The following GOT1L1 variants were observed in gnomAD, a reference collection of about 807,000 sequenced individuals.
The protein encoded by GOT1L1 is glutamic-oxaloacetic transaminase 1 like 1.
Under a neutral mutation model 43.6 loss-of-function variants are expected in GOT1L1, and 38 were observed. The ratio of observed to expected loss-of-function variants is 0.87; its 90% confidence interval spans 0.67 to 1.14. The LOEUF is 1.14. Among genes scored for constraint, GOT1L1 ranks in the 50% most tolerant of loss-of-function variants. The probability of loss-of-function intolerance (pLI) is 0.00; values close to 1 mark genes in which losing one functional copy is unlikely to be tolerated. For synonymous variants in GOT1L1, 183 were observed against 187.2 expected (o/e 0.98, Z 0.18); for missense variants, 482 against 504.0 (o/e 0.96, Z 0.42).
At chr8:37,938,938 AG>A (rs779067311) in intron 1 of GOT1L1, 57 bp from the exon 2 acceptor site, 214 of 1,528,626 alleles carry the variant, frequency 1.4e-4, no homozygotes, top group Non-Finnish European at 1.9e-4. Flanking sequence ...CCCAGGGCTG[AG>A]CTCTGCAGAC....
At chr8:37,936,646 T>C (rs867410217) in intron 6 of GOT1L1, 74 bp downstream of exon 6, 2 of 1,359,876 alleles carry the variant, frequency 1.5e-6, no homozygotes, top group South Asian at 2.7e-5. Flanking sequence ...GGATGAGATA[T>C]CAAAAACATC....
In GOT1L1 at chr8:37,940,093, A is replaced by G; in HGVS notation, c.-64T>C. The G allele has an allele frequency of 6.5e-7, 1 of 1,537,680 alleles. No homozygotes were observed. On this transcript the variant is annotated 5_prime_UTR_variant, in exon 1 of 9. Coordinates refer to ENST00000307599, the MANE Select transcript of GOT1L1 (RefSeq NM_152413.3). ...CTCCTGTGTTCCGCTTCTGCCCAGA[A>G]GTCTTCCTCCAAGGCTGGGCCGGGC...
At position 37,935,109 on chromosome 8, in the gene GOT1L1, C is replaced by T. The variant is rs140514701; in HGVS notation, c.1036G>A (p.Glu346Lys). ...GTPGSWGHIT[E>K]QSGTHGYLGL... ...AGATAGCCGTGGGTCCCACTCTGCT[C>T]GGTGATGTGACCCCAGGACCCAGGG... Residue 346 changes from glutamate to lysine, a missense_variant, in exon 8 of 9, where the codon GAG becomes AAG. Physicochemically the swap from Glu to Lys is moderately conservative, Grantham distance 56. Coordinates refer to ENST00000307599, the MANE Select transcript of GOT1L1 (RefSeq NM_152413.3). 1.2e-4 allele frequency: 193 copies of T among 1,613,662 alleles called. No individual in the cohort carries two copies. The highest frequency in any genetic ancestry group is 4.0e-4 in the Admixed American group (24 of 60,008).
chr8:37,939,431 AATATATATATATAT>A lies in GOT1L1; in HGVS notation c.115+470_115+483del, dbSNP rs1188997870. ...CCTGTCTCAAGAAAAAAAAAAAAAA[AATATATATATATAT>A]ATATATATATATATATATATATATA... On this transcript the variant is annotated intron_variant, in intron 1 of 8. Coordinates refer to ENST00000307599, the MANE Select transcript of GOT1L1 (RefSeq NM_152413.3). Among the ~76,000 whole-genome samples, 339 of 41,692 alleles carry A rather than the reference AATATATATATATAT, an allele frequency of 8.1e-3. 15 individuals are homozygous for A. Among genetic ancestry groups the A allele is most frequent in the Middle Eastern group, 0.034 (2 of 58 alleles). 27.4% of individuals were successfully genotyped at this position (41,692 alleles called of 152,430 possible).
At chr8:37,935,570 A>G (rs1807723388) in intron 7 of GOT1L1, 134 bp downstream of exon 7, 2 of 846,350 alleles carry the variant, frequency 2.4e-6, no homozygotes, top group Non-Finnish European at 3.5e-6. Flanking sequence ...GGTCCTTAGT[A>G]AATGTTGATG....
intron 7 of GOT1L1, 106 bp from the exon 8 acceptor site, chr8:37,935,321 T>C (rs1175201821): frequency 4.4e-6 from 5 of 1,128,764 alleles, no homozygotes; most frequent in African/African-American, 3.2e-5. Flanking sequence ...TCCAACAGAG[T>C]GCCAGAGGCT....
intron 1 of GOT1L1, among the ~76,000 whole-genome samples, chr8:37,939,430 AAATATAT>A (rs1351157455): frequency 5.0e-5 from 3 of 59,444 alleles, no homozygotes; most frequent in African/African-American, 2.5e-4. Flanking sequence ...AAAAAAAAAA[AAATATAT>A]ATATATATAT....
At position 37,936,959 on chromosome 8, in the gene GOT1L1, G is replaced by T; in HGVS notation, c.612+6C>A. 6.2e-7 allele frequency: 1 copy of T among 1,613,586 alleles called. No homozygotes were observed. Among genetic ancestry groups the T allele is most frequent in the Non-Finnish European group, 8.5e-7 (1 of 1,179,538 alleles). ...ACAGGAAGGTCGGGTGGGAGATTGGGTTTACCTTTATCATGGACATCAACT... is the reference window on the plus strand; with the variant it reads ...ACAGGAAGGTCGGGTGGGAGATTGGTTTTACCTTTATCATGGACATCAACT... On this transcript the variant is annotated splice_donor_region_variant and intron_variant, in intron 5 of 8. Transcript: ENST00000307599.
chr8:37,939,431 A>AAAT lies in GOT1L1; in HGVS notation c.115+483_115+484insATT, dbSNP rs1237987679. Among the ~76,000 whole-genome samples the AAAT allele has an allele frequency of 3.2e-3, 134 of 41,636 alleles. 1 individual carries two copies. Among genetic ancestry groups the AAAT allele is most frequent in the Non-Finnish European group, 4.7e-3 (103 of 21,852 alleles). 27.3% of individuals were successfully genotyped at this position (41,636 alleles called of 152,430 possible). ...CCTGTCTCAAGAAAAAAAAAAAAAA[A>AAAT]ATATATATATATATATATATATATA... On this transcript the variant is annotated intron_variant, in intron 1 of 8. Transcript: ENST00000307599.
In GOT1L1 at chr8:37,937,422, G is replaced by A. The variant is rs185929202; in HGVS notation, c.410-36C>T. The A allele has an allele frequency of 1.1e-4, 148 of 1,395,274 alleles. 1 individual carries two copies. Among genetic ancestry groups the A allele is most frequent in the Non-Finnish European group, 6.0e-5 (61 of 1,009,976 alleles). The allele number at this position is 1,395,274 out of a possible 1,614,324, so 86.4% of individuals were successfully genotyped here. A position where few individuals can be genotyped will look rare whatever the true frequency, so the allele number is the denominator to read the frequency against. On this transcript the variant is annotated intron_variant, in intron 3 of 8. Transcript: ENST00000307599. ...ACAGCCCCCCACTAGCTGGTACATG[G>A]GAAACAGAGAGACGGAGACAGAGGT...
intron 2 of GOT1L1, 37 bp downstream of exon 2, chr8:37,938,663 G>T: frequency 6.6e-7 from 1 of 1,524,850 alleles, no homozygotes; most frequent in Non-Finnish European, 8.8e-7. Context: ...GCCACTCTCT[G>T]TGTCTAAATG....
rs879047667 is a variant in GOT1L1 at position 37,938,762 on chromosome 8, A to G, written c.235T>C (p.Phe79Leu). 6.2e-7 allele frequency: 1 copy of G among 1,610,082 alleles called. No individual in the cohort carries two copies. The highest frequency in any genetic ancestry group is 8.5e-7 in the Non-Finnish European group (1 of 1,178,326). The change falls in exon 2 of 9, where the codon TTC becomes CTC. Residue 79 changes from phenylalanine (F) to leucine (L), a missense_variant. Transcript: ENST00000307599. Reference protein sequence around the residue: ...EYLPTMGLKSFIQASLALLFG... With the variant: ...EYLPTMGLKSLIQASLALLFG... ...AGGAGTGCTAGAGAGGCCTGGATGA[A>G]TGATTTCAGGCCCATGGTGGGCAAG...
rs1807881991 is a variant in GOT1L1, at chr8:37,939,936, T to G, written c.94A>C (p.Lys32Gln). 2.5e-6 allele frequency: 4 copies of G among 1,613,524 alleles called. No homozygotes were observed. The highest frequency in any genetic ancestry group is 3.4e-6 in the Non-Finnish European group (4 of 1,179,644). The change falls in exon 1 of 9, where the codon AAG (lysine) becomes CAG (glutamine). Residue 32 changes from lysine to glutamine, a missense_variant. Lys to Gln is a moderately conservative substitution (Grantham distance 53). Transcript: ENST00000307599. The stretch of plus-strand genomic sequence containing the variant: ...CTACCTCTATAGGCTAAGAATATCT[T>G]GTTCGGGTAATCATCTTGTTTGTAG... ...KTYKQDDYPN[K>Q]IFLAYRVCMT...
In GOT1L1 at chr8:37,937,270, C is replaced by G. The variant is rs770606644; in HGVS notation, c.519+7G>C. On this transcript the variant is annotated splice_region_variant and intron_variant, in intron 4 of 8. Coordinates refer to ENST00000307599, the MANE Select transcript of GOT1L1 (RefSeq NM_152413.3). ...TAGGGAGGAGTTTCTGAGCGGGGCC[C>G]CTCTACCTCCACCACATTGAGGAGT... The G allele has an allele frequency of 2.7e-5, 42 of 1,569,362 alleles. 1 individual carries two copies. In the South Asian group the frequency reaches 4.6e-4, roughly 17 times the overall value.
chr8:37,937,089 C>G (rs760811629), intron 4 of GOT1L1, 32 bp from the exon 5 acceptor site: 8 of 1,598,490 alleles, frequency 5.0e-6, no homozygotes, highest in Non-Finnish European at 6.9e-6. Context: ...TCAGGCTTCA[C>G]CCCCACCCAG....
At position 37,934,501 on chromosome 8, in the gene GOT1L1, A is replaced by G. The variant is rs753124706; in HGVS notation, c.1073-15T>C. 6.3e-7 allele frequency: 1 copy of G among 1,599,792 alleles called. No individual in the cohort carries two copies. Among genetic ancestry groups the G allele is most frequent in the Non-Finnish European group, 8.6e-7 (1 of 1,167,412 alleles). The stretch of plus-strand genomic sequence containing the variant: ...CACCTGCTGGGCTAAAATCATGACA[A>G]GGTCTCAGATCTCGAGACTGGCCAT... On this transcript the variant is annotated splice_polypyrimidine_tract_variant and intron_variant, in intron 8 of 8. Coordinates refer to ENST00000307599, the MANE Select transcript of GOT1L1 (RefSeq NM_152413.3).
rs1807689875 is a variant in GOT1L1, at chr8:37,934,384, G to A, written c.1175C>T (p.Thr392Ile). The A allele has an allele frequency of 1.9e-6, 3 of 1,612,522 alleles. No individual in the cohort carries two copies. Among genetic ancestry groups the A allele is most frequent in the Admixed American group, 1.7e-5 (1 of 59,990 alleles). Residue 392 changes from threonine (T) to isoleucine (I), a missense_variant, in exon 9 of 9, where the codon ACT becomes ATT. By Grantham distance (89) the Thr-to-Ile change is moderately conservative. Coordinates refer to ENST00000307599, the MANE Select transcript of GOT1L1 (RefSeq NM_152413.3). ...CINANNINYI[T>I]EGINEAVLLT... ...GAGGACAGCCTCATTGATGCCCTCA[G>A]TGATGTAATTTATGTTGTTGGCATT...
Position 37,935,057 on chromosome 8 carries a change from C to T in GOT1L1, c.1072+16G>A, listed in dbSNP as rs755917109. ...AAAGGTCAGAAAGGGGGGACACCAG[C>T]CCCCTAGACCCTTACAGTTGAGTCC... is the stretch of plus-strand genomic sequence containing the variant. On this transcript the variant is annotated intron_variant, in intron 8 of 8. Transcript: ENST00000307599. 1 of 1,612,956 alleles carries T rather than the reference C, an allele frequency of 6.2e-7. No homozygotes were observed. Among genetic ancestry groups the T allele is most frequent in the African/African-American group, 1.3e-5 (1 of 74,892 alleles).
At chr8:37,938,326 G>C (rs137954293) in intron 2 of GOT1L1, among the ~76,000 whole-genome samples, 118 of 152,272 alleles carry the variant, frequency 7.7e-4, no homozygotes, top group African/African-American at 2.7e-3. Context: ...GAACCTGGGA[G>C]GTGGAGGTTG....
Sources: gnomAD v4.1 joint callset for allele counts (sites outside exome capture counted in the v4.1 genomes callset) on GRCh38, gnomAD v4.1.1 for gene constraint, MANE v1.5 for transcripts, NCBI Gene and HGNC (gene_info 2026-07-23, HGNC 2026-07-21) for gene names.